The following EEA1 variants were observed in gnomAD, a reference collection of about 807,000 sequenced individuals.
The protein encoded by EEA1 is early endosome antigen 1, 162kD.
A neutral mutation model predicts 209.2 loss-of-function variants in EEA1; 111 were observed. The ratio of observed to expected loss-of-function variants is 0.53; its 90% CI spans 0.45 to 0.62. EEA1 has a LOEUF of 0.62. Ranked by LOEUF, EEA1 falls within the 20% of genes least tolerant of loss-of-function variation. EEA1 has a pLI of 0.00. For synonymous variants in EEA1, 536 were observed against 540.6 expected, an observed-to-expected ratio of 0.99 and a Z score of 0.12; for missense variants, 1,343 against 1,530.8, an observed-to-expected ratio of 0.88 and a Z score of 2.05.
At chr12:92,776,716 T>C in intron 28 of EEA1, 128 bp downstream of exon 28, 1 of 826,464 alleles carries the variant, frequency 1.2e-6, no homozygotes, top group Non-Finnish European at 1.9e-6. Flanking sequence ...TATTCTATGT[T>C]GTTGTTAAAG....
intron 2 of EEA1, among the ~76,000 whole-genome samples, chr12:92,887,590 G>C (rs546390819): frequency 1.3e-5 from 2 of 152,124 alleles, no homozygotes; most frequent in Non-Finnish European, 2.9e-5. Flanking sequence ...CCAGGAGTTT[G>C]AGGTGCAGTG....
At position 92,832,682 on chromosome 12, in the gene EEA1, T is replaced by C. The variant is rs1184386747; in HGVS notation, c.1084A>G (p.Arg362Gly). 1 of 1,613,930 alleles carries C rather than the reference T, an allele frequency of 6.2e-7. No individual in the cohort carries two copies. Among genetic ancestry groups the C allele is most frequent in the African/African-American group, 1.3e-5 (1 of 74,934 alleles). ...TTTTCACTTAGTTCTACATGTATTC[T>C]ATGCAGTGAGGTTTCAGATGCAGAC... ...RLSASETSLH[R>G]IHVELSEKGE... The change falls in exon 11 of 29, where the codon AGA becomes GGA. Residue 362 changes from arginine to glycine, a missense_variant. Around this residue, in one of 3 missense-constraint regions of EEA1, gnomAD observed 1,307 missense variants for 1,465.5 expected, o/e 0.89. Transcript: ENST00000322349.
At chr12:92,875,226 C>T (rs1434230838) in intron 2 of EEA1, among the ~76,000 whole-genome samples, 2 of 152,014 alleles carry the variant, frequency 1.3e-5, no homozygotes, top group African/African-American at 2.4e-5. Flanking sequence ...CTGAGGCAGG[C>T]GGATCACAAG....
intron 16 of EEA1, among the ~76,000 whole-genome samples, chr12:92,812,329 C>T (rs1472046185): frequency 1.3e-5 from 2 of 148,658 alleles, no homozygotes; most frequent in Admixed American, 6.7e-5. Flanking sequence ...AAAACTCCAT[C>T]TAAAAAAAAA....
At chr12:92,899,979 A>G (rs1880080376) in intron 1 of EEA1, among the ~76,000 whole-genome samples, 1 of 152,132 alleles carries the variant, frequency 6.6e-6, no homozygotes, top group Admixed American at 6.6e-5. Flanking sequence ...TTTATCTTCC[A>G]CATCTTGAGT....
Position 92,826,180 on chromosome 12 carries a change from GT to G in EEA1, c.1509del (p.Lys503AsnfsTer40), listed in dbSNP as rs779992476. ...CTAATGTTTACCTGAGCTTCTCGAA[GT>G]TTTGCCGTGGTGCTTTGCTGAAGAG... ...QQALQQSTTA[K>X]LREAQNDLEQ... On this transcript the variant is annotated frameshift_variant, in exon 13 of 29. Transcript: ENST00000322349. LOFTEE classifies it high-confidence loss of function. The G allele has an allele frequency of 6.2e-7, 1 of 1,613,216 alleles. No individual in the cohort carries two copies. Among genetic ancestry groups the G allele is most frequent in the East Asian group, 2.2e-5 (1 of 44,838 alleles).
chr12:92,786,762 C>A (rs990456157), intron 22 of EEA1, among the ~76,000 whole-genome samples: 1 of 152,148 alleles, frequency 6.6e-6, no homozygotes, highest in Non-Finnish European at 1.5e-5. Flanking sequence ...TTCTAAAGTA[C>A]TATTTTCTTC....
At position 92,913,046 on chromosome 12, in the gene EEA1, T is replaced by C. The variant is rs191653785; in HGVS notation, c.24+15997A>G. 3.3e-5 allele frequency among the ~76,000 whole-genome samples: 5 copies of C among 152,358 alleles called. No individual in the cohort carries two copies. In the East Asian group the frequency reaches 9.6e-4, roughly 29 times the overall value. On this transcript the variant is annotated intron_variant, in intron 1 of 28. Coordinates refer to ENST00000322349, the MANE Select transcript of EEA1 (RefSeq NM_003566.4). ...TTTTATACAGTGATTTGTTTTCCTT[T>C]GGATATATACCCAGTACTGGGACTG... is the stretch of plus-strand genomic sequence containing the variant.
In EEA1 at chr12:92,802,488, T is replaced by G. The variant is rs1326198665; in HGVS notation, c.2586A>C (p.Leu862=). The G allele has an allele frequency of 1.3e-6, 2 of 1,579,900 alleles. No homozygotes were observed. The highest frequency in any genetic ancestry group is 1.7e-6 in the Non-Finnish European group (2 of 1,171,120). ...MTELSTVKDK[L]SKVSDSLKNS... ...TTTTCAAAGAATCAGAAACTTTTGA[T>G]AGTTTGTCCTTTACTGTAGAAAGCT... The change falls in exon 19 of 29, where the codon CTA becomes CTC. Residue 862 remains leucine (L), a synonymous_variant. Transcript: ENST00000322349.
intron 21 of EEA1, among the ~76,000 whole-genome samples, chr12:92,793,859 A>C (rs1383501146): frequency 6.6e-6 from 1 of 152,168 alleles, no homozygotes; most frequent in East Asian, 1.9e-4. Context: ...CAATGACAAC[A>C]AAAGACAAAA....
Position 92,853,023 on chromosome 12 carries a change from G to A in EEA1, c.409C>T (p.Leu137=). The A allele has an allele frequency of 6.3e-7, 1 of 1,583,988 alleles. No individual in the cohort carries two copies. The change falls in exon 7 of 29, where the codon CTA becomes TTA. Residue 137 remains leucine, a splice_region_variant and synonymous_variant. Transcript: ENST00000322349. ...DGLVTDSSAE[L]QSLEQQLEEA... ...TCTAATTGCTGTTCCAAAGACTGTAGTTCTACAAAAAAGTGTCGCAGTTAT... is the reference window on the plus strand; with the variant it reads ...TCTAATTGCTGTTCCAAAGACTGTAATTCTACAAAAAAGTGTCGCAGTTAT...
chr12:92,774,240 T>C lies in EEA1; in HGVS notation c.*1771A>G, dbSNP rs1180311258. ...AATAAAGAGCCACTGTATTTCTTCA[T>C]TATATATGTTCAAGGATATATGTTT... On this transcript the variant is annotated 3_prime_UTR_variant, in exon 29 of 29. Coordinates refer to ENST00000322349, the MANE Select transcript of EEA1 (RefSeq NM_003566.4). 6.6e-6 allele frequency: 1 copy of C among 151,518 alleles called. No homozygotes were observed. The highest frequency in any genetic ancestry group is 2.4e-5 in the African/African-American group (1 of 41,396). The allele number at this position is 151,518 out of a possible 1,614,324, so 9.4% of individuals were successfully genotyped here. A position where few individuals can be genotyped will look rare whatever the true frequency, so the allele number is the denominator to read the frequency against.
intron 18 of EEA1, among the ~76,000 whole-genome samples, chr12:92,805,231 G>T (rs2136669615): frequency 6.6e-6 from 1 of 152,182 alleles, no homozygotes; most frequent in African/African-American, 2.4e-5. Context: ...CAAATACCTA[G>T]GCACTGGAAA....
At position 92,780,388 on chromosome 12, in the gene EEA1, T is replaced by C. The variant is rs1873854622; in HGVS notation, c.3360A>G (p.Val1120=). 2.6e-6 allele frequency: 4 copies of C among 1,553,358 alleles called. No individual in the cohort carries two copies. The highest frequency in any genetic ancestry group is 2.3e-5 in the East Asian group (1 of 43,544). Residue 1120 remains valine, a synonymous_variant, in exon 24 of 29, where the codon GTA becomes GTG. Coordinates refer to ENST00000322349, the MANE Select transcript of EEA1 (RefSeq NM_003566.4). The stretch of plus-strand genomic sequence containing the variant: ...TCTCTGCCAATTTAGACTTCTCATT[T>C]ACCAGTTCTTTTTCTTTCAGTGACT... ...KEKSLKEKEL[V]NEKSKLAEIE...
At chr12:92,871,662 G>A (rs1362824549) in intron 2 of EEA1, among the ~76,000 whole-genome samples, 1 of 152,140 alleles carries the variant, frequency 6.6e-6, no homozygotes, top group South Asian at 2.1e-4. Context: ...ATTTTCAAGT[G>A]GTAACTGTAC....
intron 14 of EEA1, 50 bp downstream of exon 14, chr12:92,819,258 T>C (rs1189525252): frequency 7.0e-7 from 1 of 1,436,998 alleles, no homozygotes; most frequent in Non-Finnish European, 9.5e-7. Flanking sequence ...TAGTAAGACT[T>C]AGAGAGACAG....
At chr12:92,876,368 A>G (rs1002408126) in intron 2 of EEA1, among the ~76,000 whole-genome samples, 10 of 152,202 alleles carry the variant, frequency 6.6e-5, no homozygotes, top group African/African-American at 2.2e-4. Context: ...TGGCCAATAC[A>G]TGTTTAGTAT....
intron 1 of EEA1, among the ~76,000 whole-genome samples, chr12:92,924,973 T>C (rs1881153934): frequency 6.6e-6 from 1 of 151,860 alleles, no homozygotes; most frequent in African/African-American, 2.4e-5. Flanking sequence ...CTGGGAAGCC[T>C]TCCCAACATC....
intron 8 of EEA1, among the ~76,000 whole-genome samples, chr12:92,851,697 A>G (rs1877638118): frequency 1.3e-5 from 2 of 152,192 alleles, no homozygotes; most frequent in African/African-American, 4.8e-5. Context: ...AAATAAAGGA[A>G]AGAAAGTCAA....
Sources: allele counts gnomAD v4.1 joint callset (sites outside exome capture counted in the v4.1 genomes callset), GRCh38; gene constraint gnomAD v4.1.1; regional missense constraint gnomAD v4.1.1; transcripts MANE v1.5; gene names NCBI Gene and HGNC (gene_info 2026-07-23, HGNC 2026-07-21).